Variants in DDX24 observed in about 807,000 individuals in gnomAD.
DDX24 encodes ATP-dependent RNA helicase DDX24.
In DDX24, 24 loss-of-function variants were observed where a neutral mutation model predicts 68.9. That is an observed-to-expected ratio of 0.35 (90% CI 0.25 to 0.49). The LOEUF is 0.49. Among genes scored for constraint, DDX24 ranks in the 20% least tolerant of loss-of-function variants. The pLI is 0.99. For synonymous variants in DDX24, 395 were observed against 385.2 expected (o/e 1.03, Z -0.30); for missense variants, 989 against 1,039.0 (o/e 0.95, Z 0.66).
chr14:94,066,658 A>C (rs891603563), intron 2 of DDX24, among the ~76,000 whole-genome samples: 1 of 152,236 alleles, frequency 6.6e-6, no homozygotes, highest in Non-Finnish European at 1.5e-5. Flanking sequence ...TTAACATCAC[A>C]GGACTCTGTG....
chr14:94,080,865 T>G (rs563033644), intron 1 of DDX24, among the ~76,000 whole-genome samples: 3 of 152,066 alleles, frequency 2.0e-5, no homozygotes, highest in Admixed American at 6.5e-5. Context: ...TCGCTTTGTC[T>G]CAGGCACGAA....
At chr14:94,054,948 G>C (rs1267213060) in intron 7 of DDX24, 48 bp downstream of exon 7, 3 of 1,589,864 alleles carry the variant, frequency 1.9e-6, no homozygotes, top group Non-Finnish European at 8.6e-7. Context: ...CTCTGCAAGG[G>C]AGCAGCACAA....
At chr14:94,071,729 C>T (rs532885828) in intron 2 of DDX24, among the ~76,000 whole-genome samples, 6 of 152,052 alleles carry the variant, frequency 3.9e-5, no homozygotes, top group African/African-American at 1.2e-4. Flanking sequence ...GCGGATCACC[C>T]GAGGTCGGGA....
At chr14:94,070,288 A>C (rs550531737) in intron 2 of DDX24, among the ~76,000 whole-genome samples, 2 of 152,244 alleles carry the variant, frequency 1.3e-5, no homozygotes, top group African/African-American at 4.8e-5. Context: ...AAAAATACTT[A>C]GGAATATGCC....
chr14:94,079,813 TA>T, intron 1 of DDX24, 66 bp from the exon 2 acceptor site: 1 of 1,455,490 alleles, frequency 6.9e-7, no homozygotes, highest in Admixed American at 1.9e-5. Flanking sequence ...ATGTAACAAA[TA>T]TTTTCTAAGC....
Position 94,052,980 on chromosome 14 carries a change from T to G in DDX24, c.2308+18A>C. The G allele has an allele frequency of 6.3e-7, 1 of 1,593,136 alleles. No individual in the cohort carries two copies. The highest frequency in any genetic ancestry group is 2.3e-5 in the East Asian group (1 of 44,118). On this transcript the variant is annotated intron_variant, in intron 8 of 8. Coordinates refer to ENST00000621632, the MANE Select transcript of DDX24 (RefSeq NM_020414.4). ...GAGATTTCAACTTCCTCAATTCCCA[T>G]CCCGCCCAAGGGCTTACCCTTATAC...
intron 2 of DDX24, among the ~76,000 whole-genome samples, chr14:94,064,907 A>G (rs1269226782): frequency 6.6e-5 from 10 of 152,176 alleles, no homozygotes; most frequent in Admixed American, 6.5e-4. Flanking sequence ...TTAACCTGTA[A>G]GGAATGACAC....
Position 94,062,637 on chromosome 14 carries a change from A to G in DDX24, c.719-16T>C, listed in dbSNP as rs1239974538. 6 of 1,569,316 alleles carry G rather than the reference A, an allele frequency of 3.8e-6. No individual in the cohort carries two copies. The African/African-American group carries it at 6.8e-5, about 18-fold the overall frequency. On this transcript the variant is annotated splice_polypyrimidine_tract_variant and intron_variant, in intron 2 of 8. Coordinates refer to ENST00000621632, the MANE Select transcript of DDX24 (RefSeq NM_020414.4). ...TTCCCACTTCCTTAAAAGTAAAAAA[A>G]CAAAACAAAGTAAAAACAGTGTGAA...
In DDX24 at chr14:94,050,975, A is replaced by C. The variant is rs936632293; in HGVS notation, c.*216T>G. ...CAAGTTTAACACACAAGAAGCCTAT[A>C]AACACTGCAATACAGAAAAATTAAG... On this transcript the variant is annotated 3_prime_UTR_variant, in exon 9 of 9. Coordinates refer to ENST00000621632, the MANE Select transcript of DDX24 (RefSeq NM_020414.4). The C allele has an allele frequency of 2.3e-6, 1 of 435,594 alleles. No homozygotes were observed. Among genetic ancestry groups the C allele is most frequent in the Non-Finnish European group, 4.0e-6 (1 of 252,558 alleles). The allele number at this position is 435,594 out of a possible 1,614,324, so 27.0% of individuals were successfully genotyped here.
In DDX24 at chr14:94,060,074, C is replaced by T. The variant is rs746965214; in HGVS notation, c.1913+24G>A. 38 of 1,588,086 alleles carry T rather than the reference C, an allele frequency of 2.4e-5. No individual in the cohort carries two copies. The South Asian group carries it at 4.3e-4, about 18-fold the overall frequency. ...CCCCAGTAACTAACTAGAGGTTAAG[C>T]CTCTGGGGACAGTCCTAACTTACTC... On this transcript the variant is annotated intron_variant, in intron 5 of 8. Coordinates refer to ENST00000621632, the MANE Select transcript of DDX24 (RefSeq NM_020414.4).
In DDX24 at chr14:94,055,182, G is replaced by C. The variant is rs191501585; in HGVS notation, c.1992C>G (p.Val664=). The change falls in exon 7 of 9, where the codon GTC becomes GTG. Residue 664 remains valine, a splice_region_variant and synonymous_variant. Transcript: ENST00000621632. ...GGACATAAATCTCCGAGGTACGTGGGACCTGCCACAGGAAGAACTGGGAGA... is the reference window on the plus strand; with the variant it reads ...GGACATAAATCTCCGAGGTACGTGGCACCTGCCACAGGAAGAACTGGGAGA... The part of the protein sequence containing the change: ...PKVQHVIHYQ[V]PRTSEIYVHR... 1.1e-5 allele frequency: 17 copies of C among 1,611,662 alleles called. No individual in the cohort carries two copies. The African/African-American group carries it at 2.1e-4, about 20-fold the overall frequency.
At chr14:94,063,877 T>C (rs1885644986) in intron 2 of DDX24, among the ~76,000 whole-genome samples, 1 of 152,238 alleles carries the variant, frequency 6.6e-6, no homozygotes, top group South Asian at 2.1e-4. Context: ...CACTCCAGCA[T>C]GGGTGACAGA....
chr14:94,070,999 A>T (rs1004176530), intron 2 of DDX24, among the ~76,000 whole-genome samples: 1 of 152,356 alleles, frequency 6.6e-6, no homozygotes, highest in Non-Finnish European at 1.5e-5. Flanking sequence ...ATAAAAACAA[A>T]GATAAATATC....
chr14:94,058,952 A>G (rs1415651817), intron 5 of DDX24, among the ~76,000 whole-genome samples: 1 of 152,194 alleles, frequency 6.6e-6, no homozygotes, highest in Non-Finnish European at 1.5e-5. Flanking sequence ...AAAAACAGGC[A>G]GCAGCCAGGT....
intron 2 of DDX24, among the ~76,000 whole-genome samples, chr14:94,066,659 G>A (rs1419324734): frequency 1.3e-5 from 2 of 152,196 alleles, no homozygotes; most frequent in Non-Finnish European, 2.9e-5. Flanking sequence ...TAACATCACA[G>A]GACTCTGTGC....
intron 2 of DDX24, among the ~76,000 whole-genome samples, chr14:94,069,245 C>A (rs966639411): frequency 6.6e-6 from 1 of 151,936 alleles, no homozygotes; most frequent in Non-Finnish European, 1.5e-5. Context: ...CACCTTTACA[C>A]AGATAAACTA....
chr14:94,059,956 C>CAAAAA (rs36013055), intron 5 of DDX24, 142 bp downstream of exon 5: 3 of 819,818 alleles, frequency 3.7e-6, no homozygotes, highest in Non-Finnish European at 5.3e-6. Context: ...AAATGCTGTG[C>CAAAAA]AAAAAAAAAA....
At chr14:94,064,257 G>A (rs1473099899) in intron 2 of DDX24, among the ~76,000 whole-genome samples, 1 of 152,212 alleles carries the variant, frequency 6.6e-6, no homozygotes, top group Non-Finnish European at 1.5e-5. Context: ...TTGACACAGA[G>A]CTTCTAAGAG....
chr14:94,050,000 A>C lies in DDX24; in HGVS notation c.*1191T>G, dbSNP rs1250150428. 6.6e-6 allele frequency: 1 copy of C among 152,240 alleles called. No homozygotes were observed. The highest frequency in any genetic ancestry group is 6.5e-5 in the Admixed American group (1 of 15,288). The allele number at this position is 152,240 out of a possible 1,614,324, so 9.4% of individuals were successfully genotyped here. On this transcript the variant is annotated 3_prime_UTR_variant, in exon 9 of 9. Transcript: ENST00000621632. ...AGGCTAGCTACTTAGATCTTGGGGT[A>C]TCTTGGTCCCTTTGTGTATCCTCTT...
Sources: gnomAD v4.1 joint callset for allele counts (sites outside exome capture counted in the v4.1 genomes callset) on GRCh38, gnomAD v4.1.1 for gene constraint, MANE v1.5 for transcripts, NCBI Gene and HGNC (gene_info 2026-07-23, HGNC 2026-07-21) for gene names.